Variants in PCLO observed in about 807,000 individuals in gnomAD.
The protein encoded by PCLO is protein piccolo.
A neutral mutation model predicts 427.5 loss-of-function variants in PCLO; 82 were observed. The ratio of observed to expected loss-of-function variants is 0.19; its 90% CI spans 0.16 to 0.23. The LOEUF (loss-of-function observed/expected upper bound fraction) is 0.23, where lower values mean the gene tolerates loss of function less well. PCLO is among the 10% of genes least tolerant of loss of function. PCLO has a pLI of 1.00. For missense variants in PCLO, 6,239 were observed against 6,115.9 expected (o/e 1.02, Z -0.67); for synonymous variants, 2,357 against 2,155.4 (o/e 1.09, Z -2.59).
intron 18 of PCLO, among the ~76,000 whole-genome samples, chr7:82,825,649 ATAG>A (rs1365518141): frequency 1.3e-5 from 2 of 148,230 alleles, no homozygotes; most frequent in Admixed American, 6.8e-5. Flanking sequence ...CATAATATGT[ATAG>A]TATATATACA....
Position 82,950,246 on chromosome 7 carries a change from C to T in PCLO, c.10342G>A (p.Asp3448Asn). The T allele has an allele frequency of 6.2e-7, 1 of 1,613,154 alleles. No individual in the cohort carries two copies. Among genetic ancestry groups the T allele is most frequent in the Non-Finnish European group, 8.5e-7 (1 of 1,179,780 alleles). The change falls in exon 6 of 25, where the codon GAT becomes AAT. Residue 3448 changes from aspartate to asparagine, a missense_variant. Physicochemically the swap from Asp to Asn is conservative, Grantham distance 23. Transcript: ENST00000333891. Reference protein sequence around the residue: ...KKIVDSGVQTDDEDATDRSYV... With the variant: ...KKIVDSGVQTNDEDATDRSYV... Reference sequence around the variant, plus strand: ...CTCCGATCTGTGGCATCTTCGTCATCCGTTTGTACACCACTGTCCACTATC... The same window carrying T: ...CTCCGATCTGTGGCATCTTCGTCATTCGTTTGTACACCACTGTCCACTATC...
At chr7:82,772,943 T>C (rs1790676319) in intron 22 of PCLO, among the ~76,000 whole-genome samples, 1 of 152,092 alleles carries the variant, frequency 6.6e-6, no homozygotes, top group Non-Finnish European at 1.5e-5. Context: ...ATCTAGAGTT[T>C]TGAAATAATT....
chr7:82,817,251 T>C (rs1051425988), intron 20 of PCLO, among the ~76,000 whole-genome samples: 2 of 152,168 alleles, frequency 1.3e-5, no homozygotes. Flanking sequence ...GTTTAAAAAA[T>C]TTTTTTGCAC....
intron 10 of PCLO, among the ~76,000 whole-genome samples, chr7:82,866,642 C>T (rs974787032): frequency 2.7e-4 from 37 of 139,568 alleles, no homozygotes; most frequent in African/African-American, 9.5e-4. Context: ...TCACTACTCT[C>T]AATGAAATTT....
At chr7:82,811,327 C>T (rs768254468) in intron 20 of PCLO, among the ~76,000 whole-genome samples, 169 of 151,466 alleles carry the variant, frequency 1.1e-3, no homozygotes, top group Non-Finnish European at 2.0e-3. Context: ...CCTTTCTCCT[C>T]TCTTTCTTTG....
intron 10 of PCLO, among the ~76,000 whole-genome samples, chr7:82,877,744 C>T (rs1251858370): frequency 1.3e-5 from 2 of 152,136 alleles, no homozygotes; most frequent in African/African-American, 2.4e-5. Flanking sequence ...TGGCTTACTG[C>T]AACCTCCGCC....
intron 3 of PCLO, among the ~76,000 whole-genome samples, chr7:82,997,113 C>T (rs576971534): frequency 4.0e-4 from 61 of 152,004 alleles, no homozygotes; most frequent in Non-Finnish European, 8.2e-4. Context: ...TGGGTCATCA[C>T]TACACTTCAA....
chr7:82,911,024 T>A (rs960036983), intron 7 of PCLO, among the ~76,000 whole-genome samples: 3 of 152,146 alleles, frequency 2.0e-5, no homozygotes, highest in African/African-American at 7.2e-5. Flanking sequence ...AGATTTCATT[T>A]GAATATATAA....
At chr7:82,818,751 C>T (rs371181874) in intron 20 of PCLO, among the ~76,000 whole-genome samples, 7 of 152,130 alleles carry the variant, frequency 4.6e-5, no homozygotes, top group Admixed American at 2.0e-4. Context: ...TGATTGCTCA[C>T]GCATAAAACA....
Position 82,965,881 on chromosome 7 carries a change from G to A in PCLO, c.3907C>T (p.Pro1303Ser), listed in dbSNP as rs956958877. 1 of 1,613,726 alleles carries A rather than the reference G, an allele frequency of 6.2e-7. No homozygotes were observed. Among genetic ancestry groups the A allele is most frequent in the African/African-American group, 1.3e-5 (1 of 74,882 alleles). The change falls in exon 4 of 25, where the codon CCT becomes TCT. Residue 1303 changes from proline (P) to serine (S), a missense_variant. Coordinates refer to ENST00000333891, the MANE Select transcript of PCLO (RefSeq NM_033026.6). The stretch of plus-strand genomic sequence containing the variant: ...TCATCTTCTTTAGGTAAACTCTGAG[G>A]TGTGCCAGATGGTAAACCTTCCATC... ...TKMEGLPSGTPQSLPKEDDKT... is the reference protein window; with the variant it reads ...TKMEGLPSGTSQSLPKEDDKT...
At chr7:82,957,026 G>GA in intron 4 of PCLO, 91 bp from the exon 5 acceptor site, 1 of 1,318,210 alleles carries the variant, frequency 7.6e-7, no homozygotes, top group Admixed American at 3.7e-5. Flanking sequence ...ATTAGGAACT[G>GA]AAAAATAATT....
chr7:82,769,829 A>G (rs951773494), intron 22 of PCLO, among the ~76,000 whole-genome samples: 3 of 152,116 alleles, frequency 2.0e-5, no homozygotes, highest in African/African-American at 7.2e-5. Flanking sequence ...ATGACAGTCT[A>G]TCACCTCATA....
chr7:82,787,760 T>C (rs1242039871), intron 22 of PCLO, among the ~76,000 whole-genome samples: 5 of 151,958 alleles, frequency 3.3e-5, no homozygotes, highest in African/African-American at 9.7e-5. Context: ...CGGCTGACTA[T>C]TTAAAAAAAC....
intron 3 of PCLO, among the ~76,000 whole-genome samples, chr7:83,065,139 A>T (rs1282930724): frequency 2.0e-5 from 3 of 151,602 alleles, no homozygotes; most frequent in Non-Finnish European, 4.4e-5. Flanking sequence ...CATATACTTC[A>T]TCAAGTGTTT....
At chr7:83,014,056 T>G (rs1235062610) in intron 3 of PCLO, among the ~76,000 whole-genome samples, 4 of 152,196 alleles carry the variant, frequency 2.6e-5, no homozygotes, top group Non-Finnish European at 5.9e-5. Flanking sequence ...AACCAGTATT[T>G]ATTGAACATC....
At chr7:82,928,287 AAGCC>A in intron 6 of PCLO, among the ~76,000 whole-genome samples, 1 of 152,344 alleles carries the variant, frequency 6.6e-6, no homozygotes, top group East Asian at 1.9e-4. Context: ...CTTGCAACTA[AAGCC>A]ACTACTACAT....
chr7:82,934,523 T>C lies in PCLO; in HGVS notation c.11112+14953A>G, dbSNP rs76230121. On this transcript the variant is annotated intron_variant, in intron 6 of 24. Coordinates refer to ENST00000333891, the MANE Select transcript of PCLO (RefSeq NM_033026.6). ...CTTATCTTAAGATGAAAACATATGATAATTGCTTTCTTAAATTTATGACTG... is the reference window on the plus strand; with the variant it reads ...CTTATCTTAAGATGAAAACATATGACAATTGCTTTCTTAAATTTATGACTG... 6.4e-3 allele frequency among the ~76,000 whole-genome samples: 974 copies of C among 151,946 alleles called. 15 individuals carry two copies. Among genetic ancestry groups the C allele is most frequent in the African/African-American group, 0.022 (912 of 41,540 alleles).
chr7:83,023,278 G>A (rs902968365), intron 3 of PCLO, among the ~76,000 whole-genome samples: 6 of 152,254 alleles, frequency 3.9e-5, no homozygotes, highest in Admixed American at 2.6e-4. Flanking sequence ...AATACAAAAA[G>A]TGACTATTCT....
Position 82,835,686 on chromosome 7 carries a change from T to C in PCLO, c.14230A>G (p.Met4744Val), listed in dbSNP as rs781468440. 2.0e-5 allele frequency: 32 copies of C among 1,609,462 alleles called. No homozygotes were observed. Among genetic ancestry groups the C allele is most frequent in the Non-Finnish European group, 2.5e-5 (30 of 1,177,552 alleles). The change falls in exon 16 of 25, where the codon ATG (methionine) becomes GTG (valine). Residue 4744 changes from methionine to valine, a missense_variant. Coordinates refer to ENST00000333891, the MANE Select transcript of PCLO (RefSeq NM_033026.6). ...VYLLPGRGQV[M>V]VVQNASAEYK... ...CTCTACCTTGCATTCTGGACAACCA[T>C]GACTTGACTGCATTGATTCCAAGAG... is the stretch of plus-strand genomic sequence containing the variant.
Sources: allele counts gnomAD v4.1 joint callset (sites outside exome capture counted in the v4.1 genomes callset), GRCh38; gene constraint gnomAD v4.1.1; transcripts MANE v1.5; gene names NCBI Gene and HGNC (gene_info 2026-07-23, HGNC 2026-07-21).